Variants in HYCC1 observed in about 807,000 individuals in gnomAD.
HYCC1 encodes the protein hyccin.
the HYCC1 span, among the ~76,000 whole-genome samples, chr7:22,905,563 TTTAC>T: frequency 3.3e-5 from 5 of 151,974 alleles, no homozygotes; most frequent in African/African-American, 1.2e-4. Context: ...TGTCACCATC[TTTAC>T]TTAATTTCTT....
the HYCC1 span, among the ~76,000 whole-genome samples, chr7:22,969,186 G>C: frequency 6.6e-6 from 1 of 151,734 alleles, no homozygotes; most frequent in South Asian, 2.1e-4. Context: ...TTGTTTGTTT[G>C]TTTTTTAAGA....
the HYCC1 span, among the ~76,000 whole-genome samples, chr7:22,918,197 G>A: frequency 2.6e-5 from 4 of 152,294 alleles, no homozygotes; most frequent in East Asian, 7.7e-4. Context: ...CTGATTGGAT[G>A]TCATGGGTCC....
At chr7:22,942,529 A>G in the HYCC1 span, 1 of 152,200 alleles carries the variant, frequency 6.6e-6, no homozygotes, top group African/African-American at 2.4e-5. Flanking sequence ...CAGTGCCACC[A>G]GAATACTCCA....
the HYCC1 span, among the ~76,000 whole-genome samples, chr7:22,930,192 TGG>T: frequency 2.3e-5 from 1 of 42,806 alleles, no homozygotes; most frequent in Non-Finnish European, 4.1e-5. Flanking sequence ...GGGACTGTTG[TGG>T]GGTGGGGGGA....
At chr7:22,933,969 T>G in the HYCC1 span, among the ~76,000 whole-genome samples, 1 of 152,172 alleles carries the variant, frequency 6.6e-6, no homozygotes, top group African/African-American at 2.4e-5. Flanking sequence ...CAGACTGCAT[T>G]AATTCAATCA....
chr7:22,968,908 C>T, the HYCC1 span, among the ~76,000 whole-genome samples: 1 of 152,094 alleles, frequency 6.6e-6, no homozygotes, highest in African/African-American at 2.4e-5. Context: ...ATCGCTTGAA[C>T]CCAGGAGGCG....
chr7:22,943,572 G>C, the HYCC1 span: 5 of 152,344 alleles, frequency 3.3e-5, no homozygotes, highest in Non-Finnish European at 7.4e-5. Context: ...AGCTCTGTCA[G>C]CTAACATTTC....
At chr7:22,907,443 C>T in the HYCC1 span, among the ~76,000 whole-genome samples, 6 of 152,250 alleles carry the variant, frequency 3.9e-5, no homozygotes, top group South Asian at 1.2e-3. Flanking sequence ...TCTAGGAGAT[C>T]TGTTAGGAGA....
At chr7:22,995,907 A>G in the HYCC1 span, among the ~76,000 whole-genome samples, 1 of 152,210 alleles carries the variant, frequency 6.6e-6, no homozygotes, top group Non-Finnish European at 1.5e-5. Context: ...CGTCATGTGA[A>G]TATCAAGTAC....
chr7:22,896,280 AAT>A, the HYCC1 span, among the ~76,000 whole-genome samples: 2 of 152,252 alleles, frequency 1.3e-5, no homozygotes, highest in Non-Finnish European at 2.9e-5. Context: ...TGATAAATTG[AAT>A]ATGACTCTAA....
the HYCC1 span, among the ~76,000 whole-genome samples, chr7:22,970,294 T>C: frequency 1.3e-5 from 2 of 152,226 alleles, no homozygotes; most frequent in Non-Finnish European, 2.9e-5. Context: ...CAATGAAAGA[T>C]TTTTTAAAAG....
At chr7:23,001,083 T>C in the HYCC1 span, among the ~76,000 whole-genome samples, 5 of 152,180 alleles carry the variant, frequency 3.3e-5, no homozygotes, top group African/African-American at 9.6e-5. Flanking sequence ...GAATATGGTC[T>C]GGAAAACACT....
chr7:22,903,172 A>C, the HYCC1 span, among the ~76,000 whole-genome samples: 2 of 152,182 alleles, frequency 1.3e-5, no homozygotes, highest in Non-Finnish European at 1.5e-5. Context: ...GTGGTTTCTC[A>C]AAAGGTTGAA....
At chr7:22,920,858 A>G in the HYCC1 span, among the ~76,000 whole-genome samples, 1 of 152,152 alleles carries the variant, frequency 6.6e-6, no homozygotes, top group African/African-American at 2.4e-5. Context: ...TCCCTCATGC[A>G]TGACTTAGCA....
the HYCC1 span, among the ~76,000 whole-genome samples, chr7:22,983,275 G>A: frequency 1.3e-5 from 2 of 150,308 alleles, no homozygotes; most frequent in African/African-American, 4.9e-5. Context: ...GCTGCAGTGA[G>A]CCATGATCAC....
chr7:23,011,272 A>G, the HYCC1 span, among the ~76,000 whole-genome samples: 1 of 152,200 alleles, frequency 6.6e-6, no homozygotes, highest in African/African-American at 2.4e-5. Flanking sequence ...CTAAATCAAT[A>G]TAGCTTCAAT....
chr7:23,001,895 A>ATT, the HYCC1 span, among the ~76,000 whole-genome samples: 100 of 146,926 alleles, frequency 6.8e-4, no homozygotes, highest in Admixed American at 2.5e-3. Flanking sequence ...TATGGCAAAC[A>ATT]TTTTTTTTTT....
At chr7:22,945,821 G>A in the HYCC1 span, 2 of 1,613,866 alleles carry the variant, frequency 1.2e-6, no homozygotes, top group East Asian at 4.5e-5. Context: ...AGTCGCTGCG[G>A]TCTTAGCCAA....
the HYCC1 span, among the ~76,000 whole-genome samples, chr7:22,990,875 G>A: frequency 1.3e-5 from 2 of 151,964 alleles, no homozygotes; most frequent in African/African-American, 2.4e-5. Context: ...CCACTTGGGG[G>A]AAAAAAGGAA....
Sources: gnomAD v4.1 joint callset for allele counts (sites outside exome capture counted in the v4.1 genomes callset) on GRCh38, gnomAD v4.1.1 for gene constraint, MANE v1.5 for transcripts, NCBI Gene and HGNC (gene_info 2026-07-23, HGNC 2026-07-21) for gene names.